The following RADIL variants were observed in gnomAD, a reference collection of about 807,000 sequenced individuals.
The protein encoded by RADIL is Rap associating with DIL domain.
A neutral mutation model predicts 97.6 loss-of-function variants in RADIL; 99 were observed. The observed-to-expected ratio is 1.01, with a 90% CI of 0.86 to 1.20. RADIL has a LOEUF of 1.20. Among genes scored for constraint, RADIL ranks in the 50% most tolerant of loss-of-function variants. The pLI, the probability that RADIL is intolerant of heterozygous loss-of-function variation, is 0.00. For missense variants in RADIL, 1,765 were observed against 1,498.9 expected, an observed-to-expected ratio of 1.18 and a Z score of -2.93; for synonymous variants, 803 against 691.8, an observed-to-expected ratio of 1.16 and a Z score of -2.52.
At chr7:4,874,708 G>A (rs190374053) in intron 2 of RADIL, among the ~76,000 whole-genome samples, 100 of 152,354 alleles carry the variant, frequency 6.6e-4, no homozygotes, top group African/African-American at 2.1e-3. Context: ...GACAGGCTGT[G>A]AGCAGGGGTG....
At chr7:4,868,932 G>T (rs1419706973) in intron 2 of RADIL, among the ~76,000 whole-genome samples, 1 of 152,114 alleles carries the variant, frequency 6.6e-6, no homozygotes, top group African/African-American at 2.4e-5. Flanking sequence ...TTCGAGACCA[G>T]CCTGACTAAC....
At chr7:4,801,628 C>T (rs747744899) in intron 12 of RADIL, 25 bp downstream of exon 12, 68 of 1,565,720 alleles carry the variant, frequency 4.3e-5, no homozygotes, top group East Asian at 7.1e-5. Context: ...GGTGGGTTCC[C>T]GCCTGAGCAC....
At chr7:4,871,145 G>T (rs905612253) in intron 2 of RADIL, among the ~76,000 whole-genome samples, 6 of 152,206 alleles carry the variant, frequency 3.9e-5, no homozygotes, top group African/African-American at 1.4e-4. Flanking sequence ...TACAATGAAG[G>T]TTTCCCACGG....
At chr7:4,847,752 A>C (rs536710487) in intron 2 of RADIL, among the ~76,000 whole-genome samples, 2 of 150,002 alleles carry the variant, frequency 1.3e-5, no homozygotes, top group Non-Finnish European at 3.0e-5. Flanking sequence ...AAAAAAAAAA[A>C]AAAAAAAAAA....
chr7:4,844,225 C>T (rs1014667816), intron 2 of RADIL, among the ~76,000 whole-genome samples: 4 of 152,090 alleles, frequency 2.6e-5, no homozygotes, highest in African/African-American at 9.7e-5. Flanking sequence ...GCAGGCAGAT[C>T]ACGAAGTCAA....
rs1417223750 is a variant in RADIL, at chr7:4,878,486, G to C, written c.-64-283C>G. 6.6e-6 allele frequency among the ~76,000 whole-genome samples: 1 copy of C among 152,220 alleles called. No homozygotes were observed. The highest frequency in any genetic ancestry group is 1.5e-5 in the Non-Finnish European group (1 of 68,040). On this transcript the variant is annotated intron_variant, in intron 1 of 14. Transcript: ENST00000399583. This position sits in a 1 kb window ranked among gnomAD's most constrained non-coding sequence, Gnocchi z 4.1. Reference sequence around the variant, plus strand: ...GCCCAGGAGTTCAAGATTGCAGTGAGCTATGATAGTGCCACGGCCCTCCAG... The same window carrying C: ...GCCCAGGAGTTCAAGATTGCAGTGACCTATGATAGTGCCACGGCCCTCCAG...
At chr7:4,831,538 A>C (rs548479321) in intron 5 of RADIL, among the ~76,000 whole-genome samples, 1 of 150,208 alleles carries the variant, frequency 6.7e-6, no homozygotes, top group African/African-American at 2.5e-5. Flanking sequence ...TTAAAATAAA[A>C]GTGGAAAATA....
chr7:4,835,607 GCCTGTGTGGGAGCACCA>G lies in RADIL; in HGVS notation c.784-385_784-369del, dbSNP rs1295040946. On this transcript the variant is annotated intron_variant, in intron 3 of 14. Transcript: ENST00000399583. The surrounding 1 kb of genome is among the most constrained non-coding windows in gnomAD (Gnocchi z 5.8). Reference sequence around the variant, plus strand: ...CCCAAAACTGTGTGGGAGCACTGCCGCCTGTGTGGGAGCACCACCCCCAGTGTGGGAGCACTGCCGCC... The same window carrying G: ...CCCAAAACTGTGTGGGAGCACTGCCGCCCCCAGTGTGGGAGCACTGCCGCC... Among the ~76,000 whole-genome samples the G allele has an allele frequency of 3.3e-5, 5 of 151,754 alleles. No individual in the cohort carries two copies. The highest frequency in any genetic ancestry group is 1.2e-4 in the African/African-American group (5 of 41,382).
intron 2 of RADIL, among the ~76,000 whole-genome samples, chr7:4,846,899 T>A (rs1241020029): frequency 6.6e-6 from 1 of 152,152 alleles, no homozygotes; most frequent in African/African-American, 2.4e-5. Context: ...CTTCAAAGAA[T>A]AAATATACAT....
At position 4,831,055 on chromosome 7, in the gene RADIL, G is replaced by C. The variant is rs1783125689; in HGVS notation, c.1454+1086C>G. On this transcript the variant is annotated intron_variant, in intron 5 of 14. Coordinates refer to ENST00000399583, the MANE Select transcript of RADIL (RefSeq NM_018059.5). The stretch of plus-strand genomic sequence containing the variant: ...AAAAATACAAAATCAGCTGGGCGTG[G>C]TGGTGCATGTCTGTAATCCCAGCTA... 4.0e-5 allele frequency among the ~76,000 whole-genome samples: 6 copies of C among 151,852 alleles called. No individual in the cohort carries two copies. In the South Asian group the frequency reaches 1.3e-3, roughly 32 times the overall value.
intron 2 of RADIL, among the ~76,000 whole-genome samples, chr7:4,876,491 G>T (rs1784381431): frequency 6.6e-6 from 1 of 152,048 alleles, no homozygotes; most frequent in Admixed American, 6.5e-5. Flanking sequence ...AGTAGATACG[G>T]GGTTTCACCA....
intron 2 of RADIL, among the ~76,000 whole-genome samples, chr7:4,874,641 T>A (rs565795693): frequency 3.3e-5 from 5 of 152,220 alleles, no homozygotes; most frequent in Non-Finnish European, 5.9e-5. Flanking sequence ...TGTGTCAGTA[T>A]GGCTGGGCAG....
In RADIL at chr7:4,836,489, T is replaced by A; in HGVS notation, c.652A>T (p.Thr218Ser). Residue 218 changes from threonine to serine, a missense_variant, in exon 3 of 15, where the codon ACC becomes TCC. By Grantham distance (58) the Thr-to-Ser change is moderately conservative. Coordinates refer to ENST00000399583, the MANE Select transcript of RADIL (RefSeq NM_018059.5). ...PPRLRRTVSE[T>S]SLSPVNALPA... ...AGGGCGTTCACTGGGCTCAGGCTGGTCTCACTGACTGTGCGGCGCAACCGG... is the reference window on the plus strand; with the variant it reads ...AGGGCGTTCACTGGGCTCAGGCTGGACTCACTGACTGTGCGGCGCAACCGG... The A allele has an allele frequency of 1.2e-6, 2 of 1,607,452 alleles. No individual in the cohort carries two copies. The highest frequency in any genetic ancestry group is 1.7e-6 in the Non-Finnish European group (2 of 1,178,150).
rs892377199 is a variant in RADIL at position 4,809,333 on chromosome 7, AGTC to A, written c.2140-3620_2140-3618del. On this transcript the variant is annotated intron_variant, in intron 9 of 14. Coordinates refer to ENST00000399583, the MANE Select transcript of RADIL (RefSeq NM_018059.5). ...CGGCCTAGTTTCCCTAGCCAGGAGA[AGTC>A]CTGTTTTCAACGTTCTAGAAATATC... 8 of 985,340 alleles carry A rather than the reference AGTC, an allele frequency of 8.1e-6. No homozygotes were observed. The African/African-American group carries it at 1.4e-4, about 17-fold the overall frequency. 61.0% of individuals were successfully genotyped at this position (985,340 alleles called of 1,614,324 possible).
chr7:4,801,058 G>A (rs1405001408), intron 12 of RADIL, among the ~76,000 whole-genome samples: 1 of 152,194 alleles, frequency 6.6e-6, no homozygotes, highest in African/African-American at 2.4e-5. Context: ...GCACACATGT[G>A]CAAGCATGCC....
rs1242235140 is a variant in RADIL, at chr7:4,854,051, G to T, written c.536-17446C>A. On this transcript the variant is annotated intron_variant, in intron 2 of 14. Coordinates refer to ENST00000399583, the MANE Select transcript of RADIL (RefSeq NM_018059.5). The surrounding 1 kb of genome is among the most constrained non-coding windows in gnomAD (Gnocchi z 5.1). ...AGCTCCATAGGTGGGCAGTTTGCAG[G>T]TACACCTTTGCCATTCCCCGTCTTC... Among the ~76,000 whole-genome samples the T allele has an allele frequency of 6.6e-6, 1 of 152,170 alleles. No individual in the cohort carries two copies. Among genetic ancestry groups the T allele is most frequent in the East Asian group, 1.9e-4 (1 of 5,186 alleles).
intron 5 of RADIL, among the ~76,000 whole-genome samples, chr7:4,827,462 C>G (rs1212008111): frequency 6.6e-6 from 1 of 151,210 alleles, no homozygotes; most frequent in African/African-American, 2.4e-5. Flanking sequence ...GCGATCAAGA[C>G]CATCCTGGCT....
rs541773648 is a variant in RADIL at position 4,809,414 on chromosome 7, C to G, written c.2140-3698G>C. On this transcript the variant is annotated intron_variant, in intron 9 of 14. Transcript: ENST00000399583. ...AGATCCTGAGTGTCGCTGCTGCCTC[C>G]TTTCCGTGCACACAGGAAACCACAC... 5.9e-4 allele frequency: 586 copies of G among 985,466 alleles called. 5 individuals carry two copies. The African/African-American group carries it at 8.2e-3, about 14-fold the overall frequency. 61.0% of individuals were successfully genotyped at this position (985,466 alleles called of 1,614,324 possible).
At chr7:4,800,040 G>A (rs1007818300) in intron 13 of RADIL, 131 bp downstream of exon 13, 11 of 1,358,140 alleles carry the variant, frequency 8.1e-6, no homozygotes, top group South Asian at 4.5e-5. Context: ...CAGCTGCAGA[G>A]GCCAACCCCA....
Sources: allele counts gnomAD v4.1 joint callset (sites outside exome capture counted in the v4.1 genomes callset), GRCh38; gene constraint gnomAD v4.1.1; non-coding constraint Gnocchi (gnomAD v3.1); transcripts MANE v1.5; gene names NCBI Gene and HGNC (gene_info 2026-07-23, HGNC 2026-07-21).